GNAQ: variants seen among roughly 807,000 people sequenced by gnomAD.
The protein encoded by GNAQ is guanine nucleotide-binding protein G(q) subunit alpha.
A neutral mutation model predicts 43.9 loss-of-function variants in GNAQ; 8 were observed. The ratio of observed to expected loss-of-function variants is 0.18; its 90% CI spans 0.11 to 0.33. GNAQ has a LOEUF of 0.33. GNAQ is among the 10% of genes least tolerant of loss of function. The pLI is 1.00. For missense variants in GNAQ, 158 were observed against 450.8 expected, an observed-to-expected ratio of 0.35 and a Z score of 5.88; for synonymous variants, 155 against 170.7, an observed-to-expected ratio of 0.91 and a Z score of 0.71.
chr9:77,946,982 A>T (rs1822911578), intron 1 of GNAQ, among the ~76,000 whole-genome samples: 1 of 152,256 alleles, frequency 6.6e-6, no homozygotes, highest in Non-Finnish European at 1.5e-5. Context: ...AGCCATTCAC[A>T]ATAAAGCCTC....
chr9:77,971,451 C>G (rs184115904), intron 1 of GNAQ, among the ~76,000 whole-genome samples: 46 of 152,290 alleles, frequency 3.0e-4, no homozygotes, highest in African/African-American at 1.0e-3. Flanking sequence ...TGGCTTCATC[C>G]CTGGGATGCA....
At chr9:77,984,072 A>AG (rs1823402882) in intron 1 of GNAQ, among the ~76,000 whole-genome samples, 2 of 150,190 alleles carry the variant, frequency 1.3e-5, no homozygotes, top group South Asian at 4.2e-4. Flanking sequence ...AAAAAAAAAA[A>AG]AAAATCACCT....
chr9:77,953,060 C>A (rs1347457304), intron 1 of GNAQ, among the ~76,000 whole-genome samples: 1 of 152,112 alleles, frequency 6.6e-6, no homozygotes, highest in Non-Finnish European at 1.5e-5. Flanking sequence ...GTGTTCAGTT[C>A]CAAGTACAGC....
chr9:77,870,477 C>G (rs1411772533), intron 2 of GNAQ, among the ~76,000 whole-genome samples: 1 of 151,890 alleles, frequency 6.6e-6, no homozygotes, highest in Non-Finnish European at 1.5e-5. Flanking sequence ...AGGCGCCTGC[C>G]AAGGCGCCCT....
In GNAQ at chr9:77,719,445, G is replaced by T. The variant is rs79929008; in HGVS notation, c.*1878C>A. The T allele has an allele frequency of 1.2e-4, 27 of 232,408 alleles. No homozygotes were observed. Among genetic ancestry groups the T allele is most frequent in the Non-Finnish European group, 2.3e-4 (27 of 117,628 alleles). The allele number at this position is 232,408 out of a possible 1,614,324, so 14.4% of individuals were successfully genotyped here. On this transcript the variant is annotated 3_prime_UTR_variant, in exon 7 of 7. Coordinates refer to ENST00000286548, the MANE Select transcript of GNAQ (RefSeq NM_002072.5). ...ACTTTCTGAGCAAGGGAAAAAAAAA[G>T]TAAGCTGTGTTGTTTGAGGCTGGGA...
chr9:77,883,591 T>C (rs1269800122), intron 2 of GNAQ, among the ~76,000 whole-genome samples: 3 of 152,036 alleles, frequency 2.0e-5, no homozygotes, highest in African/African-American at 7.2e-5. Flanking sequence ...GTGTATCCAT[T>C]CCCCAGCTAG....
At chr9:77,781,694 T>C (rs1826396230) in intron 5 of GNAQ, among the ~76,000 whole-genome samples, 1 of 152,026 alleles carries the variant, frequency 6.6e-6, no homozygotes, top group Admixed American at 6.6e-5. Flanking sequence ...AGGTATGCAA[T>C]GGGATACCTA....
intron 1 of GNAQ, among the ~76,000 whole-genome samples, chr9:77,957,228 T>C (rs1182783029): frequency 2.0e-5 from 3 of 151,924 alleles, no homozygotes; most frequent in Non-Finnish European, 2.9e-5. Context: ...TGGTGGTGTG[T>C]GCCTGTAATC....
chr9:77,995,084 G>A (rs1014396597), intron 1 of GNAQ, among the ~76,000 whole-genome samples: 6 of 152,240 alleles, frequency 3.9e-5, no homozygotes, highest in Admixed American at 1.3e-4. Context: ...TTCTAAAATC[G>A]AAGTTAACAT....
chr9:77,987,370 T>C (rs917260432), intron 1 of GNAQ, among the ~76,000 whole-genome samples: 3 of 152,124 alleles, frequency 2.0e-5, no homozygotes, highest in Non-Finnish European at 4.4e-5. Flanking sequence ...CGGTTGAGAA[T>C]TACATATAAT....
intron 1 of GNAQ, among the ~76,000 whole-genome samples, chr9:77,954,845 T>C (rs1745173504): frequency 6.6e-6 from 1 of 152,176 alleles, no homozygotes; most frequent in Non-Finnish European, 1.5e-5. Context: ...ATTCCTGTGT[T>C]AACCACCAAC....
chr9:77,775,475 T>C (rs1321105879), intron 5 of GNAQ, among the ~76,000 whole-genome samples: 1 of 149,994 alleles, frequency 6.7e-6, no homozygotes, highest in African/African-American at 2.5e-5. Flanking sequence ...AGTGGCGTGA[T>C]ATCAGCTCAC....
intron 3 of GNAQ, among the ~76,000 whole-genome samples, chr9:77,814,928 T>C (rs1302191122): frequency 2.0e-5 from 3 of 152,240 alleles, no homozygotes; most frequent in Non-Finnish European, 4.4e-5. Context: ...AATCCAATGA[T>C]TGCCAAATCT....
intron 3 of GNAQ, among the ~76,000 whole-genome samples, chr9:77,811,743 G>A (rs947380331): frequency 1.3e-5 from 2 of 152,132 alleles, no homozygotes; most frequent in African/African-American, 4.8e-5. Flanking sequence ...TAACACTCGG[G>A]CCTCCTGGCA....
chr9:77,772,336 A>G (rs1393308221), intron 5 of GNAQ, among the ~76,000 whole-genome samples: 2 of 152,182 alleles, frequency 1.3e-5, no homozygotes, highest in Non-Finnish European at 1.5e-5. Flanking sequence ...AATGGTCCCA[A>G]TTCACTGCTG....
At chr9:77,922,022 C>A (rs1231171872) in intron 2 of GNAQ, 139 bp downstream of exon 2, 2 of 488,492 alleles carry the variant, frequency 4.1e-6, no homozygotes, top group African/African-American at 3.8e-5. Flanking sequence ...TTAAAAGTCT[C>A]ATTTATGATG....
intron 2 of GNAQ, among the ~76,000 whole-genome samples, chr9:77,855,761 C>G (rs1408467717): frequency 1.3e-5 from 2 of 151,064 alleles, no homozygotes; most frequent in Non-Finnish European, 3.0e-5. Flanking sequence ...AAAATGAACT[C>G]TCAAAAAAAA....
chr9:77,759,949 A>T (rs1366151730), intron 5 of GNAQ, among the ~76,000 whole-genome samples: 3 of 130,512 alleles, frequency 2.3e-5, no homozygotes, highest in Non-Finnish European at 4.8e-5. Context: ...TTTTTGAGAC[A>T]GGGTTTTGCT....
intron 2 of GNAQ, among the ~76,000 whole-genome samples, chr9:77,885,920 A>G (rs1441818800): frequency 6.6e-6 from 1 of 152,234 alleles, no homozygotes; most frequent in Admixed American, 6.5e-5. Flanking sequence ...AAATTGTAAT[A>G]TAATTCAGTG....
Sources: gnomAD v4.1 joint callset for allele counts (sites outside exome capture counted in the v4.1 genomes callset) on GRCh38, gnomAD v4.1.1 for gene constraint, MANE v1.5 for transcripts, NCBI Gene and HGNC (gene_info 2026-07-23, HGNC 2026-07-21) for gene names.